SERPINI1: variants seen among roughly 807,000 people sequenced by gnomAD.
SERPINI1 encodes serpin family I member 1, also known as neuroserpin.
A neutral mutation model predicts 41.1 loss-of-function variants in SERPINI1; 19 were observed. The observed-to-expected ratio is 0.46, with a 90% CI of 0.32 to 0.68. The LOEUF is 0.68. Among genes scored for constraint, SERPINI1 ranks in the 30% least tolerant of loss-of-function variants. SERPINI1 has a pLI of 0.03. For missense variants in SERPINI1, 460 were observed against 479.2 expected (o/e 0.96, Z 0.37); for synonymous variants, 138 against 156.6 (o/e 0.88, Z 0.89).
At chr3:167,751,093 G>T (rs777179782) in intron 1 of SERPINI1, among the ~76,000 whole-genome samples, 3 of 152,016 alleles carry the variant, frequency 2.0e-5, no homozygotes, top group Non-Finnish European at 4.4e-5. Flanking sequence ...TTTCAAACTG[G>T]CAGTTTGACA....
chr3:167,747,339 G>T (rs191008948), intron 1 of SERPINI1, among the ~76,000 whole-genome samples: 2 of 152,246 alleles, frequency 1.3e-5, no homozygotes, highest in Admixed American at 1.3e-4. Flanking sequence ...ACAGCTTGAT[G>T]AACTTCTTAA....
At chr3:167,792,870 T>C (rs2108558656) in intron 4 of SERPINI1, 86 bp downstream of exon 4, 1 of 1,143,414 alleles carries the variant, frequency 8.7e-7, no homozygotes, top group Non-Finnish European at 1.3e-6. Context: ...ATATTCAAAC[T>C]CCTTGTCAAT....
At position 167,825,447 on chromosome 3, in the gene SERPINI1, A is replaced by T. The variant is rs2108576622; in HGVS notation, c.*124A>T. 1 of 694,522 alleles carries T rather than the reference A, an allele frequency of 1.4e-6. No individual in the cohort carries two copies. Among genetic ancestry groups the T allele is most frequent in the African/African-American group, 1.8e-5 (1 of 55,944 alleles). 43.0% of individuals were successfully genotyped at this position (694,522 alleles called of 1,614,324 possible). ...AATATTTAAAATAGTTCCAGATAAA[A>T]ACAATATATGTAAATTATAAGTAAC... On this transcript the variant is annotated 3_prime_UTR_variant, in exon 9 of 9. Coordinates refer to ENST00000446050, the MANE Select transcript of SERPINI1 (RefSeq NM_001122752.2).
Position 167,789,387 on chromosome 3 carries a change from G to A in SERPINI1, c.250+9G>A, listed in dbSNP as rs1218012905. ...TGACAGCCTAAAAAATGGTAAGAGT[G>A]ATCAGGTTTGATTTCTCAAGACTTT... On this transcript the variant is annotated intron_variant, in intron 2 of 8. Coordinates refer to ENST00000446050, the MANE Select transcript of SERPINI1 (RefSeq NM_001122752.2). The A allele has an allele frequency of 5.0e-6, 8 of 1,613,844 alleles. No homozygotes were observed. Among genetic ancestry groups the A allele is most frequent in the Middle Eastern group, 1.7e-4 (1 of 6,060 alleles).
intron 4 of SERPINI1, among the ~76,000 whole-genome samples, chr3:167,794,205 T>C (rs533371952): frequency 1.3e-5 from 2 of 152,032 alleles, no homozygotes; most frequent in South Asian, 2.1e-4. Context: ...CATTTAAAAA[T>C]AAAAATCAAG....
chr3:167,793,804 G>GTATATATA (rs372689407), intron 4 of SERPINI1, among the ~76,000 whole-genome samples: 5,844 of 146,150 alleles, frequency 0.04, 185 homozygotes, highest in African/African-American at 0.081. Context: ...TATATACTGT[G>GTATATATA]TGTATATATA....
At chr3:167,772,864 C>CTCTCTATATA (rs1374013676) in intron 1 of SERPINI1, among the ~76,000 whole-genome samples, 49 of 24,618 alleles carry the variant, frequency 2.0e-3, no homozygotes, top group East Asian at 6.9e-3. Context: ...CTCTCTCTCT[C>CTCTCTATATA]TATATATATA....
At chr3:167,806,379 G>A (rs1711638788) in intron 5 of SERPINI1, among the ~76,000 whole-genome samples, 1 of 152,022 alleles carries the variant, frequency 6.6e-6, no homozygotes, top group Non-Finnish European at 1.5e-5. Context: ...AAATGCATGT[G>A]GAGCTTAAAA....
intron 1 of SERPINI1, among the ~76,000 whole-genome samples, chr3:167,744,678 AT>A (rs1725795509): frequency 1.1e-5 from 1 of 92,128 alleles, no homozygotes; most frequent in Admixed American, 1.0e-4. Context: ...ATATATATAA[AT>A]ATATATATAA....
At chr3:167,803,715 A>C (rs1029051249) in intron 5 of SERPINI1, among the ~76,000 whole-genome samples, 4 of 152,218 alleles carry the variant, frequency 2.6e-5, no homozygotes, top group Admixed American at 1.3e-4. Flanking sequence ...TTTAAGAAGC[A>C]AAAAGAATCC....
chr3:167,807,340 TG>T lies in SERPINI1; in HGVS notation c.979+1del. The T allele has an allele frequency of 6.3e-7, 1 of 1,584,268 alleles. No individual in the cohort carries two copies. The highest frequency in any genetic ancestry group is 8.7e-7 in the Non-Finnish European group (1 of 1,153,600). Reference protein sequence around the residue: ...IKDANLTGLSDNKEIFLSKAI... With the variant: ...IKDANLTGLSXNKEIFLSKAI... ...AAGATGCAAATTTGACAGGCCTCTC[TG>T]GTAAGAAATAAACACAAATTTTTAA... On this transcript the variant is annotated frameshift_variant and splice_region_variant, in exon 6 of 9. Transcript: ENST00000446050. LOFTEE classifies it high-confidence loss of function.
In SERPINI1 at chr3:167,807,287, G is replaced by A; in HGVS notation, c.925G>A (p.Ala309Thr). 6.2e-7 allele frequency: 1 copy of A among 1,612,948 alleles called. No individual in the cohort carries two copies. Among genetic ancestry groups the A allele is most frequent in the South Asian group, 1.1e-5 (1 of 91,034 alleles). The change falls in exon 6 of 9, where the codon GCT (alanine) becomes ACT (threonine). Residue 309 changes from alanine (A) to threonine (T), a missense_variant. By Grantham distance (58) the Ala-to-Thr change is moderately conservative. Coordinates refer to ENST00000446050, the MANE Select transcript of SERPINI1 (RefSeq NM_001122752.2). The stretch of plus-strand genomic sequence containing the variant: ...AATTGATTTAAAAGATGTTTTGAAG[G>A]CTCTTGGAATAACTGAAATTTTCAT... ...QEIDLKDVLK[A>T]LGITEIFIKD...
At chr3:167,821,521 CTG>C (rs1432009739) in intron 6 of SERPINI1, among the ~76,000 whole-genome samples, 2 of 152,198 alleles carry the variant, frequency 1.3e-5, no homozygotes, top group African/African-American at 4.8e-5. Context: ...GAGTGCCTGA[CTG>C]TGTGCAGCAG....
intron 7 of SERPINI1, 41 bp downstream of exon 7, chr3:167,823,113 A>G (rs1560020120): frequency 1.5e-6 from 2 of 1,343,114 alleles, no homozygotes; most frequent in Non-Finnish European, 2.1e-6. Context: ...CTAGATTTGT[A>G]TTTTTAGAGC....
intron 1 of SERPINI1, among the ~76,000 whole-genome samples, chr3:167,764,226 T>C (rs1726483620): frequency 6.6e-6 from 1 of 152,082 alleles, no homozygotes; most frequent in East Asian, 1.9e-4. Context: ...GCTGTGATTA[T>C]TAAGCCAAAC....
intron 1 of SERPINI1, among the ~76,000 whole-genome samples, chr3:167,773,447 C>T (rs144466065): frequency 6.6e-5 from 10 of 152,266 alleles, no homozygotes; most frequent in African/African-American, 2.4e-4. Context: ...CCAACATTAA[C>T]ATTGGCTGAT....
intron 1 of SERPINI1, among the ~76,000 whole-genome samples, chr3:167,754,645 C>T (rs1443242071): frequency 6.6e-6 from 1 of 152,090 alleles, no homozygotes; most frequent in African/African-American, 2.4e-5. Flanking sequence ...GATAAATCCA[C>T]TAGAAGAAAA....
At chr3:167,786,753 G>A (rs1478558775) in intron 1 of SERPINI1, among the ~76,000 whole-genome samples, 2 of 152,022 alleles carry the variant, frequency 1.3e-5, no homozygotes, top group African/African-American at 2.4e-5. Flanking sequence ...TTCACTTACT[G>A]TAACTTTTAT....
At chr3:167,774,864 G>A (rs1357036856) in intron 1 of SERPINI1, among the ~76,000 whole-genome samples, 1 of 152,072 alleles carries the variant, frequency 6.6e-6, no homozygotes, top group Non-Finnish European at 1.5e-5. Flanking sequence ...AGTACAGCAA[G>A]AAGTTAAAGC....
Sources: gnomAD v4.1 joint callset for allele counts (sites outside exome capture counted in the v4.1 genomes callset) on GRCh38, gnomAD v4.1.1 for gene constraint, MANE v1.5 for transcripts, NCBI Gene and HGNC (gene_info 2026-07-23, HGNC 2026-07-21) for gene names.